The following THAP12 variants were observed in gnomAD, a reference collection of about 807,000 sequenced individuals.
THAP12 encodes THAP domain containing 12.
In THAP12, 20 loss-of-function variants were observed where a neutral mutation model predicts 63.0. That is an observed-to-expected ratio of 0.32 (90% confidence interval 0.22 to 0.46). THAP12 has a LOEUF of 0.46. Ranked by LOEUF, THAP12 falls within the 20% of genes least tolerant of loss-of-function variation. THAP12 has a pLI of 1.00. For synonymous variants in THAP12, 264 were observed against 328.4 expected, an observed-to-expected ratio of 0.80 and a Z score of 2.12; for missense variants, 568 against 908.2, an observed-to-expected ratio of 0.63 and a Z score of 4.81.
At chr11:76,379,322 T>C (rs181067086) in intron 1 of THAP12, among the ~76,000 whole-genome samples, 100 of 152,296 alleles carry the variant, frequency 6.6e-4, no homozygotes, top group African/African-American at 2.3e-3. Context: ...CTCCCCACAA[T>C]CTAATGAGCA....
At chr11:76,360,675 C>A (rs962958352) in intron 3 of THAP12, among the ~76,000 whole-genome samples, 1 of 152,034 alleles carries the variant, frequency 6.6e-6, no homozygotes, top group African/African-American at 2.4e-5. Context: ...TAGCTTTTTC[C>A]TTCTTCTCCA....
intron 4 of THAP12, 95 bp downstream of exon 4, chr11:76,355,523 T>C: frequency 1.8e-6 from 2 of 1,137,382 alleles, no homozygotes; most frequent in South Asian, 1.7e-5. Flanking sequence ...ATTCTCAAGG[T>C]AGGTTTTCAA....
chr11:76,360,928 T>C (rs3758779), intron 3 of THAP12, 28 bp downstream of exon 3: 1 of 1,450,884 alleles, frequency 6.9e-7, no homozygotes, highest in East Asian at 2.3e-5. Context: ...TGGGGGAAGG[T>C]GGGAAAGCTG....
chr11:76,375,084 C>T (rs1946699704), intron 1 of THAP12, among the ~76,000 whole-genome samples: 1 of 152,218 alleles, frequency 6.6e-6, no homozygotes, highest in South Asian at 2.1e-4. Context: ...ACAGCCCAAA[C>T]AGGCACCCTC....
chr11:76,377,295 A>C (rs1013891509), intron 1 of THAP12, among the ~76,000 whole-genome samples: 4 of 152,190 alleles, frequency 2.6e-5, no homozygotes, highest in African/African-American at 9.7e-5. Flanking sequence ...GTAAAAAACT[A>C]ATGGCAATTA....
chr11:76,368,998 A>G (rs948711543), intron 1 of THAP12, among the ~76,000 whole-genome samples: 1 of 152,228 alleles, frequency 6.6e-6, no homozygotes, highest in African/African-American at 2.4e-5. Context: ...TGCAATACAT[A>G]TATCTAACAA....
In THAP12 at chr11:76,352,461, C is replaced by A. The variant is rs1946534147; in HGVS notation, c.689G>T (p.Cys230Phe). 1 of 1,611,848 alleles carries A rather than the reference C, an allele frequency of 6.2e-7. No individual in the cohort carries two copies. Among genetic ancestry groups the A allele is most frequent in the South Asian group, 1.1e-5 (1 of 90,988 alleles). ...FETTAVNTLF[C>F]SKTQQRQMLE... is the part of the protein sequence containing the mutation. ...CATCTGCCTCTGCTGTGTTTTTGAA[C>A]AAAACAACGTGTTAACTGCTGTTGT... is the stretch of plus-strand genomic sequence containing the variant. The change falls in exon 5 of 5, where the codon TGT (cysteine) becomes TTT (phenylalanine). Residue 230 changes from cysteine to phenylalanine, a missense_variant. Cys to Phe is a radical substitution (Grantham distance 205, BLOSUM62 -2). Coordinates refer to ENST00000260045, the MANE Select transcript of THAP12 (RefSeq NM_004705.4).
At chr11:76,362,881 C>T (rs1946606752) in intron 2 of THAP12, among the ~76,000 whole-genome samples, 1 of 152,222 alleles carries the variant, frequency 6.6e-6, no homozygotes, top group Non-Finnish European at 1.5e-5. Context: ...TTGGCTCACA[C>T]CTGTAATTCC....
chr11:76,381,000 G>A lies in THAP12; in HGVS notation c.-164C>T. 3.5e-6 allele frequency: 1 copy of A among 284,702 alleles called. No homozygotes were observed. The highest frequency in any genetic ancestry group is 6.2e-6 in the Non-Finnish European group (1 of 160,490). 17.6% of individuals were successfully genotyped at this position (284,702 alleles called of 1,614,324 possible). A position where few individuals can be genotyped will look rare whatever the true frequency, so the allele number is the denominator to read the frequency against. On this transcript the variant is annotated 5_prime_UTR_variant, in exon 1 of 5. Transcript: ENST00000260045. ...GCTAGAAGCCGCGAGGGCCAGGAGGGGTGCCGCGGTCCGAGGCCGGGCTGG... is the reference window on the plus strand; with the variant it reads ...GCTAGAAGCCGCGAGGGCCAGGAGGAGTGCCGCGGTCCGAGGCCGGGCTGG...
intron 2 of THAP12, 81 bp from the exon 3 acceptor site, chr11:76,361,144 C>T: frequency 1.2e-6 from 1 of 834,828 alleles, no homozygotes; most frequent in African/African-American, 1.7e-5. Context: ...TTAATGACCT[C>T]CACAATATTC....
intron 2 of THAP12, chr11:76,361,305 T>C (rs1055038167): frequency 1.2e-5 from 5 of 402,438 alleles, no homozygotes; most frequent in African/African-American, 2.1e-5. Flanking sequence ...ATATAAAATG[T>C]ACTTGCATTT....
chr11:76,376,540 C>A (rs766556912), intron 1 of THAP12, among the ~76,000 whole-genome samples: 1 of 151,878 alleles, frequency 6.6e-6, no homozygotes, highest in African/African-American at 2.4e-5. Flanking sequence ...GGCAAAGATG[C>A]CCATCTGTCA....
intron 2 of THAP12, among the ~76,000 whole-genome samples, chr11:76,365,086 G>T (rs1292334577): frequency 6.6e-6 from 1 of 152,062 alleles, no homozygotes; most frequent in Non-Finnish European, 1.5e-5. Flanking sequence ...ATTGAGACTA[G>T]CCTGGCCAAC....
chr11:76,368,907 G>A (rs1946651199), intron 1 of THAP12, among the ~76,000 whole-genome samples: 3 of 152,122 alleles, frequency 2.0e-5, no homozygotes, highest in African/African-American at 7.2e-5. Context: ...TATAAATTAG[G>A]CTACTTTAAA....
chr11:76,371,466 G>A (rs1457521154), intron 1 of THAP12, among the ~76,000 whole-genome samples: 1 of 152,146 alleles, frequency 6.6e-6, no homozygotes, highest in Non-Finnish European at 1.5e-5. Context: ...GAATATGTAT[G>A]CACACAGAAA....
At chr11:76,368,056 T>C (rs990717190) in intron 1 of THAP12, among the ~76,000 whole-genome samples, 1 of 152,252 alleles carries the variant, frequency 6.6e-6, no homozygotes, top group Non-Finnish European at 1.5e-5. Context: ...TAATTTGCCA[T>C]ACTGCTACAG....
chr11:76,379,184 A>T (rs1290791992), intron 1 of THAP12, among the ~76,000 whole-genome samples: 2 of 151,918 alleles, frequency 1.3e-5, no homozygotes, highest in Non-Finnish European at 2.9e-5. Context: ...TTTACAATCT[A>T]CCTCCAAACC....
intron 1 of THAP12, among the ~76,000 whole-genome samples, chr11:76,380,327 G>A (rs1380226530): frequency 2.0e-5 from 3 of 152,178 alleles, no homozygotes; most frequent in African/African-American, 7.2e-5. Flanking sequence ...TCCCGGGGGT[G>A]GTGGCAAGGA....
rs920970768 is a variant in THAP12, at chr11:76,366,051, C to T, written c.90-79G>A. 1.8e-5 allele frequency: 26 copies of T among 1,462,218 alleles called. No homozygotes were observed. In the East Asian group the frequency reaches 5.5e-4, roughly 31 times the overall value. The allele number at this position is 1,462,218 out of a possible 1,614,324, so 90.6% of individuals were successfully genotyped here. On this transcript the variant is annotated intron_variant, in intron 1 of 4. Coordinates refer to ENST00000260045, the MANE Select transcript of THAP12 (RefSeq NM_004705.4). ...AGCCTTCAGTTTTAAGGCAAACATA[C>T]ATTAATAACAACGGATTCCTGCTCC...
Sources: allele counts gnomAD v4.1 joint callset (sites outside exome capture counted in the v4.1 genomes callset), GRCh38; gene constraint gnomAD v4.1.1; transcripts MANE v1.5; gene names NCBI Gene and HGNC (gene_info 2026-07-23, HGNC 2026-07-21).